UGT1A8: variants seen among roughly 807,000 people sequenced by gnomAD.
UGT1A8 encodes UDP-glucuronosyltransferase 1A8.
UGT1A8 carries 39 observed loss-of-function variants against 45.3 expected under a neutral mutation model. The ratio of observed to expected loss-of-function variants is 0.86; its 90% CI spans 0.67 to 1.12. UGT1A8 has a LOEUF of 1.12. UGT1A8 is among the 50% of genes most tolerant of loss of function. UGT1A8 has a pLI of 0.00. For missense variants in UGT1A8, 719 were observed against 664.9 expected (o/e 1.08, Z -0.90); for synonymous variants, 275 against 249.2 (o/e 1.10, Z -0.97).
intron 1 of UGT1A8, chr2:233,637,471 G>T (rs1356993825): frequency 4.0e-6 from 6 of 1,498,014 alleles, no homozygotes; most frequent in Non-Finnish European, 5.3e-6. Flanking sequence ...ATTTTCGTTT[G>T]TTGCATTTCA....
intron 3 of UGT1A8, 40 bp from the exon 4 acceptor site, chr2:233,768,180 G>C: frequency 6.2e-7 from 1 of 1,613,956 alleles, no homozygotes; most frequent in Admixed American, 1.7e-5. Context: ...GTGAAACTCA[G>C]AGATGTAACT....
At chr2:233,736,335 T>G (rs1256501308) in intron 1 of UGT1A8, among the ~76,000 whole-genome samples, 1 of 152,262 alleles carries the variant, frequency 6.6e-6, no homozygotes, top group Non-Finnish European at 1.5e-5. Context: ...GTTATGAAGT[T>G]CTTGTGCCAT....
intron 1 of UGT1A8, chr2:233,713,460 T>C: frequency 2.5e-6 from 4 of 1,614,160 alleles, no homozygotes; most frequent in Non-Finnish European, 3.4e-6. Flanking sequence ...CTTTCACCTC[T>C]GCGCGGCGGT....
At chr2:233,661,563 T>C (rs2073963269) in intron 1 of UGT1A8, among the ~76,000 whole-genome samples, 1 of 152,134 alleles carries the variant, frequency 6.6e-6, no homozygotes, top group Non-Finnish European at 1.5e-5. Flanking sequence ...TAAAAAGATA[T>C]TTTGGAAAAA....
At chr2:233,747,106 C>T (rs1693563001) in intron 1 of UGT1A8, 1 of 1,377,620 alleles carries the variant, frequency 7.3e-7, no homozygotes, top group African/African-American at 1.5e-5. Context: ...CTTCCAATTA[C>T]ATGATGATTT....
At chr2:233,726,437 T>C (rs955428993) in intron 1 of UGT1A8, among the ~76,000 whole-genome samples, 7 of 152,238 alleles carry the variant, frequency 4.6e-5, no homozygotes, top group Non-Finnish European at 8.8e-5. Flanking sequence ...CTTAATCTTA[T>C]TCTTTCCACT....
At chr2:233,757,845 T>C (rs1338801014) in intron 1 of UGT1A8, among the ~76,000 whole-genome samples, 1 of 151,974 alleles carries the variant, frequency 6.6e-6, no homozygotes, top group Non-Finnish European at 1.5e-5. Context: ...TACTAACTTA[T>C]GTCTTCAGCT....
In UGT1A8 at chr2:233,714,350, G is replaced by A. The variant is rs530414366; in HGVS notation, c.856-52684G>A. Among the ~76,000 whole-genome samples the A allele has an allele frequency of 6.6e-5, 10 of 152,326 alleles. No homozygotes were observed. The East Asian group carries it at 9.6e-4, about 15-fold the overall frequency. On this transcript the variant is annotated intron_variant, in intron 1 of 4. Transcript: ENST00000373450. ...GACCTAAGCACTCAGAGGAAGTAGAGGTTTCAAAGAAGTTGACTCAGTTCA... is the reference window on the plus strand; with the variant it reads ...GACCTAAGCACTCAGAGGAAGTAGAAGTTTCAAAGAAGTTGACTCAGTTCA...
At position 233,681,958 on chromosome 2, in the gene UGT1A8, T is replaced by C. The variant is rs1348349529; in HGVS notation, c.855+63396T>C. 4 of 1,613,906 alleles carry C rather than the reference T, an allele frequency of 2.5e-6. No individual in the cohort carries two copies. In the African/African-American group the frequency reaches 4.0e-5, roughly 16 times the overall value. On this transcript the variant is annotated intron_variant, in intron 1 of 4. Coordinates refer to ENST00000373450, the MANE Select transcript of UGT1A8 (RefSeq NM_019076.5). ...CTCTGATGGCTCGTGCAGGGTGGAC[T>C]GGCCTCCTTCCCCTATATGTGTGTC...
At chr2:233,753,439 T>G (rs1321423136) in intron 1 of UGT1A8, 3 of 152,230 alleles carry the variant, frequency 2.0e-5, no homozygotes, top group African/African-American at 7.2e-5. Flanking sequence ...TGGTTAATGA[T>G]GTGTTCAGGC....
rs1300409314 is a variant in UGT1A8, at chr2:233,693,558, G to A, written c.856-73476G>A. On this transcript the variant is annotated intron_variant, in intron 1 of 4. Transcript: ENST00000373450. The stretch of plus-strand genomic sequence containing the variant: ...TCCCTGGAGCATACATTCAGCAGAA[G>A]CCCAGACCCTGTGTCCTACATTCCC... 1.9e-6 allele frequency: 3 copies of A among 1,614,094 alleles called. No individual in the cohort carries two copies. Among genetic ancestry groups the A allele is most frequent in the African/African-American group, 2.7e-5 (2 of 74,926 alleles).
In UGT1A8 at chr2:233,729,854, T is replaced by C. The variant is rs773168395; in HGVS notation, c.856-37180T>C. The C allele has an allele frequency of 2.5e-6, 4 of 1,613,682 alleles. No homozygotes were observed. In the African/African-American group the frequency reaches 5.3e-5, roughly 22 times the overall value. On this transcript the variant is annotated intron_variant, in intron 1 of 4. Transcript: ENST00000373450. ...GCCTCTGAGCTTTTTCAGAGAGAGGTGTCAGTGGTGGATATTCTCAGTCAT... is the reference window on the plus strand; with the variant it reads ...GCCTCTGAGCTTTTTCAGAGAGAGGCGTCAGTGGTGGATATTCTCAGTCAT...
rs569101199 is a variant in UGT1A8, at chr2:233,772,971, C to T, written c.*412C>T. 9.8e-5 allele frequency: 30 copies of T among 306,230 alleles called. No individual in the cohort carries two copies. Among genetic ancestry groups the T allele is most frequent in the African/African-American group, 6.3e-4 (29 of 45,956 alleles). The allele number at this position is 306,230 out of a possible 1,614,324, so 19.0% of individuals were successfully genotyped here. On this transcript the variant is annotated 3_prime_UTR_variant, in exon 5 of 5. Coordinates refer to ENST00000373450, the MANE Select transcript of UGT1A8 (RefSeq NM_019076.5). ...GCAGATGGTTGCAATTGATCCTTAACCAATAATGGTCAGTCCTCATCTCTG... is the reference window on the plus strand; with the variant it reads ...GCAGATGGTTGCAATTGATCCTTAATCAATAATGGTCAGTCCTCATCTCTG...
Position 233,713,133 on chromosome 2 carries a change from T to G in UGT1A8, c.856-53901T>G, listed in dbSNP as rs775185611. On this transcript the variant is annotated intron_variant, in intron 1 of 4. Coordinates refer to ENST00000373450, the MANE Select transcript of UGT1A8 (RefSeq NM_019076.5). ...CCACTGGCTCAGCATGCGGGAGGCCTTGCGGGACCTCCATGCGAGAGGCCA... is the reference window on the plus strand; with the variant it reads ...CCACTGGCTCAGCATGCGGGAGGCCGTGCGGGACCTCCATGCGAGAGGCCA... 1.1e-5 allele frequency: 17 copies of G among 1,614,082 alleles called. No individual in the cohort carries two copies. In the South Asian group the frequency reaches 1.3e-4, roughly 13 times the overall value.
intron 1 of UGT1A8, among the ~76,000 whole-genome samples, chr2:233,686,584 C>G (rs371449627): frequency 6.6e-6 from 1 of 152,056 alleles, no homozygotes; most frequent in African/African-American, 2.4e-5. Flanking sequence ...GTGTGGATTA[C>G]TGCTGCTTTC....
intron 1 of UGT1A8, among the ~76,000 whole-genome samples, chr2:233,766,201 G>T (rs544565545): frequency 2.4e-4 from 37 of 152,254 alleles, no homozygotes; most frequent in Admixed American, 4.6e-4. Flanking sequence ...CTCAGCAGAT[G>T]GGGGAAGCCA....
chr2:233,725,862 C>A (rs1291459047), intron 1 of UGT1A8, among the ~76,000 whole-genome samples: 1 of 152,150 alleles, frequency 6.6e-6, no homozygotes, highest in African/African-American at 2.4e-5. Context: ...TTCCCCATCT[C>A]TTTTAATTTG....
At chr2:233,768,733 C>T (rs748503352) in intron 4 of UGT1A8, among the ~76,000 whole-genome samples, 3 of 151,708 alleles carry the variant, frequency 2.0e-5, no homozygotes, top group Admixed American at 6.6e-5. Context: ...CAGGTGTCCA[C>T]CACCACGCCC....
At chr2:233,729,598 G>C (rs775320084) in intron 1 of UGT1A8, 2 of 1,613,984 alleles carry the variant, frequency 1.2e-6, no homozygotes, top group South Asian at 2.2e-5. Flanking sequence ...TAACCTCTGC[G>C]CGGCAGTGCT....
Sources: gnomAD v4.1 joint callset for allele counts (sites outside exome capture counted in the v4.1 genomes callset) on GRCh38, gnomAD v4.1.1 for gene constraint, MANE v1.5 for transcripts, NCBI Gene and HGNC (gene_info 2026-07-23, HGNC 2026-07-21) for gene names.